The following RUBCNL variants were observed in gnomAD, a reference collection of about 807,000 sequenced individuals.
RUBCNL encodes the protein rubicon like autophagy enhancer.
In RUBCNL, 62 loss-of-function variants were observed where a neutral mutation model predicts 69.5. The ratio of observed to expected loss-of-function variants is 0.89; its 90% CI spans 0.73 to 1.10. The LOEUF (loss-of-function observed/expected upper bound fraction) is 1.10, where lower values mean the gene tolerates loss of function less well. Ranked by LOEUF, RUBCNL falls within the 50% of genes least tolerant of loss-of-function variation. The probability of loss-of-function intolerance (pLI) is 0.00; values close to 1 mark genes in which losing one functional copy is unlikely to be tolerated. For synonymous variants in RUBCNL, 291 were observed against 303.6 expected (o/e 0.96, Z 0.43); for missense variants, 768 against 798.1 (o/e 0.96, Z 0.45).
chr13:46,339,791 G>A lies in RUBCNL; in HGVS notation c.*3594C>T, dbSNP rs1017035101. 2.6e-5 allele frequency among the ~76,000 whole-genome samples: 4 copies of A among 152,092 alleles called. No individual in the cohort carries two copies. Among genetic ancestry groups the A allele is most frequent in the African/African-American group, 9.7e-5 (4 of 41,394 alleles). On this transcript the variant is annotated 3_prime_UTR_variant, in exon 15 of 15. Coordinates refer to ENST00000429979, the MANE Select transcript of RUBCNL (RefSeq NM_025113.5). ...GGAAAATCACTTGAACCCAGGTGGCGGAGGTTGAAGTGAGCTGAGATCGCA... is the reference window on the plus strand; with the variant it reads ...GGAAAATCACTTGAACCCAGGTGGCAGAGGTTGAAGTGAGCTGAGATCGCA...
chr13:46,377,642 C>T (rs2138830040), intron 2 of RUBCNL, among the ~76,000 whole-genome samples: 1 of 152,364 alleles, frequency 6.6e-6, no homozygotes, highest in African/African-American at 2.4e-5. Context: ...CATACATGGA[C>T]TGACCTAAGT....
At chr13:46,370,481 A>G (rs2048854425) in intron 3 of RUBCNL, among the ~76,000 whole-genome samples, 1 of 152,208 alleles carries the variant, frequency 6.6e-6, no homozygotes, top group Non-Finnish European at 1.5e-5. Context: ...AGAAAGAAAG[A>G]ACCAGATCAC....
chr13:46,354,649 G>A (rs259697), intron 10 of RUBCNL: 107,447 of 392,764 alleles, frequency 0.27, 15,576 homozygotes, highest in Non-Finnish European at 0.31. Context: ...ATCACTTTCC[G>A]ATGAAACCTC....
intron 1 of RUBCNL, among the ~76,000 whole-genome samples, chr13:46,378,863 T>G (rs1305478188): frequency 6.6e-6 from 1 of 152,218 alleles, no homozygotes; most frequent in East Asian, 1.9e-4. Context: ...CAATACTAAC[T>G]GCCTATTGAA....
chr13:46,350,204 AG>A lies in RUBCNL; in HGVS notation c.1477del (p.Leu493CysfsTer14). The A allele has an allele frequency of 6.3e-7, 1 of 1,593,036 alleles. No individual in the cohort carries two copies. Among genetic ancestry groups the A allele is most frequent in the African/African-American group, 1.3e-5 (1 of 74,660 alleles). On this transcript the variant is annotated frameshift_variant, in exon 11 of 15. Coordinates refer to ENST00000429979, the MANE Select transcript of RUBCNL (RefSeq NM_025113.5). LOFTEE classifies it high-confidence loss of function. ...GGGCTGGTGCCATATGCTGTCGAGC[AG>A]CTGTTTGGAGAAATTGCTGACGTAG... ...KYYVSNFSKQ[L>X]LDSIWHQPIF...
chr13:46,345,183 T>C (rs932786), intron 13 of RUBCNL, among the ~76,000 whole-genome samples: 1,691 of 152,294 alleles, frequency 0.011, 26 homozygotes, highest in African/African-American at 0.037. Flanking sequence ...ATGACTATAC[T>C]TGGTGCATCA....
At chr13:46,377,410 G>A (rs2138829005) in intron 2 of RUBCNL, among the ~76,000 whole-genome samples, 1 of 152,138 alleles carries the variant, frequency 6.6e-6, no homozygotes, top group East Asian at 1.9e-4. Flanking sequence ...ATTACAGGTG[G>A]GCACCACCAC....
At chr13:46,346,158 G>T (rs746918871) in intron 12 of RUBCNL, among the ~76,000 whole-genome samples, 1 of 152,078 alleles carries the variant, frequency 6.6e-6, no homozygotes, top group Non-Finnish European at 1.5e-5. Flanking sequence ...CTCCAAACCC[G>T]GCAGGTGTCG....
Position 46,338,823 on chromosome 13 carries a change from G to A in RUBCNL, c.*4562C>T, listed in dbSNP as rs2048121091. On this transcript the variant is annotated 3_prime_UTR_variant, in exon 15 of 15. Transcript: ENST00000429979. ...TGTAATCCAAGCACTTTGGGAGGCC[G>A]AGGCGGGTAGATCACTTCTGAGACC... is the stretch of plus-strand genomic sequence containing the variant. 1.3e-5 allele frequency among the ~76,000 whole-genome samples: 2 copies of A among 152,140 alleles called. No homozygotes were observed. Among genetic ancestry groups the A allele is most frequent in the South Asian group, 4.2e-4 (2 of 4,816 alleles).
At chr13:46,364,281 C>T (rs7996152) in intron 5 of RUBCNL, among the ~76,000 whole-genome samples, 372 of 152,158 alleles carry the variant, frequency 2.4e-3, no homozygotes, top group African/African-American at 8.3e-3. Context: ...CCTGTAGTCC[C>T]AGCTACTTGG....
At chr13:46,385,666 CA>C (rs5803337) in intron 1 of RUBCNL, among the ~76,000 whole-genome samples, 1,365 of 119,084 alleles carry the variant, frequency 0.011, 20 homozygotes, top group African/African-American at 0.034. Context: ...AAAGATCATG[CA>C]AAAAAAAAAA....
Position 46,345,455 on chromosome 13 carries a change from C to T in RUBCNL, c.1777G>A (p.Gly593Ser), listed in dbSNP as rs1192922514. Reference protein sequence around the residue: ...ILKASLAHVAGCELCQGKGFI... With the variant: ...ILKASLAHVASCELCQGKGFI... ...TCTGGGTGCACCCTCACCTCACAGC[C>T]AGCCACATGTGCAAGGGAAGCTTTC... Residue 593 changes from glycine to serine, a missense_variant, in exon 13 of 15, where the codon GGC becomes AGC. By Grantham distance (56) the Gly-to-Ser change is moderately conservative. Transcript: ENST00000429979. 1 of 1,560,750 alleles carries T rather than the reference C, an allele frequency of 6.4e-7. No homozygotes were observed. Among genetic ancestry groups the T allele is most frequent in the Non-Finnish European group, 8.7e-7 (1 of 1,152,700 alleles).
In RUBCNL at chr13:46,345,526, A is replaced by G; in HGVS notation, c.1706T>C (p.Val569Ala). The change falls in exon 13 of 15, where the codon GTC becomes GCC. Residue 569 changes from valine to alanine, a missense_variant. Transcript: ENST00000429979. The stretch of plus-strand genomic sequence containing the variant: ...TGCCAGCAGCCCTTTCTTGATCCTG[A>G]CCAGGTCCTCAAGGGAGAACAGGTG... Reference protein sequence around the residue: ...ELHLFSLEDLVRIKKGLLAPL... With the variant: ...ELHLFSLEDLARIKKGLLAPL... 2 of 1,612,468 alleles carry G rather than the reference A, an allele frequency of 1.2e-6. No individual in the cohort carries two copies. Among genetic ancestry groups the G allele is most frequent in the Non-Finnish European group, 1.7e-6 (2 of 1,179,276 alleles).
intron 14 of RUBCNL, among the ~76,000 whole-genome samples, 168 bp downstream of exon 14, chr13:46,344,573 T>C (rs752505693): frequency 3.3e-5 from 5 of 152,318 alleles, no homozygotes; most frequent in Non-Finnish European, 2.9e-5. Flanking sequence ...AAAACTTCAT[T>C]ATCTCCAATC....
chr13:46,382,632 A>G (rs2049143348), intron 1 of RUBCNL, among the ~76,000 whole-genome samples: 1 of 152,192 alleles, frequency 6.6e-6, no homozygotes, highest in Non-Finnish European at 1.5e-5. Flanking sequence ...TCCCAGGTTC[A>G]GGCGATTCTC....
chr13:46,359,690 T>G, intron 8 of RUBCNL, 59 bp from the exon 9 acceptor site: 1 of 1,382,860 alleles, frequency 7.2e-7, no homozygotes, highest in South Asian at 1.4e-5. Flanking sequence ...GAATTTAAAT[T>G]AAAGAAACAT....
chr13:46,350,512 G>A (rs2048348768), intron 10 of RUBCNL, 161 bp from the exon 11 acceptor site: 2 of 578,396 alleles, frequency 3.5e-6, no homozygotes, highest in Admixed American at 3.1e-5. Context: ...GGCTCCAGCA[G>A]AGACTTGGGG....
At position 46,344,904 on chromosome 13, in the gene RUBCNL, T is replaced by G; in HGVS notation, c.1786-73A>C. 3.2e-6 allele frequency: 3 copies of G among 941,860 alleles called. No homozygotes were observed. The Admixed American group carries it at 6.2e-5, about 19-fold the overall frequency. 58.3% of individuals were successfully genotyped at this position (941,860 alleles called of 1,614,324 possible). On this transcript the variant is annotated intron_variant, in intron 13 of 14. Coordinates refer to ENST00000429979, the MANE Select transcript of RUBCNL (RefSeq NM_025113.5). ...GCTGAGTTTTCACTATTACAGAACT[T>G]TATAAACATCAGTGTTTCAGTGTCT...
chr13:46,373,266 G>A (rs1047671632), intron 2 of RUBCNL, among the ~76,000 whole-genome samples: 11 of 152,232 alleles, frequency 7.2e-5, no homozygotes, highest in African/African-American at 2.4e-4. Flanking sequence ...GAGCCACTGC[G>A]CCCAGCCATT....
Sources: allele counts gnomAD v4.1 joint callset (sites outside exome capture counted in the v4.1 genomes callset), GRCh38; gene constraint gnomAD v4.1.1; transcripts MANE v1.5; gene names NCBI Gene and HGNC (gene_info 2026-07-23, HGNC 2026-07-21).